The following PHACTR1 variants were observed in gnomAD, a reference collection of about 807,000 sequenced individuals.
PHACTR1 encodes the protein RPEL repeat containing 1.
Under a neutral mutation model 69.2 loss-of-function variants are expected in PHACTR1, and 16 were observed. The ratio of observed to expected loss-of-function variants is 0.23; its 90% CI spans 0.16 to 0.35. The LOEUF is 0.35. Among genes scored for constraint, PHACTR1 ranks in the 10% least tolerant of loss-of-function variants. The pLI is 1.00. For missense variants in PHACTR1, 510 were observed against 734.7 expected, an observed-to-expected ratio of 0.69 and a Z score of 3.54; for synonymous variants, 312 against 284.5, an observed-to-expected ratio of 1.10 and a Z score of -0.97.
intron 4 of PHACTR1, among the ~76,000 whole-genome samples, chr6:12,765,933 C>T (rs372674920): frequency 1.3e-5 from 2 of 152,128 alleles, no homozygotes; most frequent in South Asian, 2.1e-4. Flanking sequence ...ACTTCCCCTG[C>T]ACTTTAAAAA....
intron 4 of PHACTR1, chr6:12,933,783 C>T: frequency 3.1e-6 from 5 of 1,612,844 alleles, no homozygotes; most frequent in Non-Finnish European, 4.2e-6. Flanking sequence ...CACATCTGCT[C>T]AGGCCCCAGT....
chr6:13,109,977 A>G (rs1816782240), intron 5 of PHACTR1, among the ~76,000 whole-genome samples: 1 of 151,710 alleles, frequency 6.6e-6, no homozygotes, highest in Non-Finnish European at 1.5e-5. Flanking sequence ...ATTTAGATAC[A>G]GTATTTTTCA....
At chr6:12,838,647 G>A (rs1258023646) in intron 4 of PHACTR1, among the ~76,000 whole-genome samples, 2 of 152,210 alleles carry the variant, frequency 1.3e-5, no homozygotes, top group Admixed American at 6.5e-5. Context: ...TTTGTTGGAT[G>A]TGTTTGGAAA....
At chr6:12,750,149 C>G (rs956348858) in intron 4 of PHACTR1, among the ~76,000 whole-genome samples, 1 of 152,162 alleles carries the variant, frequency 6.6e-6, no homozygotes, top group African/African-American at 2.4e-5. Flanking sequence ...GGTTGGCTGG[C>G]GCGGCTACTA....
rs1406941108 is a variant in PHACTR1 at position 13,083,426 on chromosome 6, G to A, written c.415+29897G>A. On this transcript the variant is annotated intron_variant, in intron 5 of 14. Transcript: ENST00000332995. The stretch of plus-strand genomic sequence containing the variant: ...TGGCTTAGGATTGACTTGGCAATGC[G>A]GGCTCTTTTTTGGTTCCATATGAAC... Among the ~76,000 whole-genome samples, 262 of 151,936 alleles carry A rather than the reference G, an allele frequency of 1.7e-3. 14 individuals are homozygous for A. Among genetic ancestry groups the A allele is most frequent in the South Asian group, 8.3e-4 (4 of 4,816 alleles).
intron 5 of PHACTR1, among the ~76,000 whole-genome samples, chr6:13,089,889 CTTGGAT>C (rs1812943920): frequency 6.6e-6 from 1 of 152,184 alleles, no homozygotes; most frequent in Non-Finnish European, 1.5e-5. Context: ...ATCTGCATCA[CTTGGAT>C]TTGTCCTCCT....
At chr6:12,845,116 C>T (rs983345476) in intron 4 of PHACTR1, among the ~76,000 whole-genome samples, 3 of 152,184 alleles carry the variant, frequency 2.0e-5, no homozygotes, top group East Asian at 1.9e-4. Flanking sequence ...TGCATCTGAG[C>T]GTTGGATCGA....
intron 5 of PHACTR1, among the ~76,000 whole-genome samples, chr6:13,076,944 T>G (rs1347999656): frequency 3.1e-5 from 2 of 65,422 alleles, no homozygotes; most frequent in Non-Finnish European, 5.5e-5. Flanking sequence ...GGGACTGCGG[T>G]GGGGTGGGGG....
At chr6:12,741,169 C>T (rs1246207555) in intron 3 of PHACTR1, among the ~76,000 whole-genome samples, 3 of 151,986 alleles carry the variant, frequency 2.0e-5, no homozygotes, top group African/African-American at 4.8e-5. Flanking sequence ...GTTCATCTCA[C>T]ATACTTTAAT....
rs1003130483 is a variant in PHACTR1 at position 13,210,287 on chromosome 6, T to C, written c.986+4151T>C. On this transcript the variant is annotated intron_variant, in intron 8 of 14. Coordinates refer to ENST00000332995, the MANE Select transcript of PHACTR1 (RefSeq NM_030948.6). ...GCCTCAGCCTCCCAAATTTCTGGCA[T>C]TACAGGTGTAAGCCATGGCACACAC... Among the ~76,000 whole-genome samples, 3 of 152,204 alleles carry C rather than the reference T, an allele frequency of 2.0e-5. 1 individual carries two copies. The highest frequency in any genetic ancestry group is 6.5e-5 in the Admixed American group (1 of 15,288).
chr6:13,001,642 C>A (rs34054869), intron 4 of PHACTR1, among the ~76,000 whole-genome samples: 27,732 of 152,150 alleles, frequency 0.18, 2,761 homozygotes, highest in South Asian at 0.27. Context: ...TGATTCAGTG[C>A]CACCTCTCAA....
At chr6:12,743,202 A>C (rs113159197) in intron 3 of PHACTR1, among the ~76,000 whole-genome samples, 16 of 151,934 alleles carry the variant, frequency 1.1e-4, no homozygotes, top group South Asian at 4.1e-4. Flanking sequence ...AAAAAAAAAA[A>C]AAACAAACGT....
At chr6:13,187,824 C>T (rs1440173326) in intron 7 of PHACTR1, among the ~76,000 whole-genome samples, 1 of 152,214 alleles carries the variant, frequency 6.6e-6, no homozygotes, top group Non-Finnish European at 1.5e-5. Flanking sequence ...AGCTAACAAG[C>T]ATCTGACTGA....
intron 4 of PHACTR1, among the ~76,000 whole-genome samples, chr6:12,754,079 C>T (rs909912808): frequency 2.7e-4 from 40 of 149,948 alleles, no homozygotes; most frequent in Non-Finnish European, 5.0e-4. Flanking sequence ...TCTCCTGCCT[C>T]AGCCTCCCGA....
At chr6:13,124,975 C>T (rs1480466652) in intron 5 of PHACTR1, among the ~76,000 whole-genome samples, 1 of 152,186 alleles carries the variant, frequency 6.6e-6, no homozygotes, top group Non-Finnish European at 1.5e-5. Context: ...CTAAAGATGT[C>T]CTGGTAGGGT....
chr6:13,273,893 C>T (rs1301818450), intron 11 of PHACTR1: 1 of 146,348 alleles, frequency 6.8e-6, no homozygotes, highest in African/African-American at 2.5e-5. Context: ...TGACTCCTTG[C>T]CTCCCCCGGC....
At chr6:12,984,329 TTTG>T (rs1405261270) in intron 4 of PHACTR1, among the ~76,000 whole-genome samples, 1 of 152,160 alleles carries the variant, frequency 6.6e-6, no homozygotes, top group African/African-American at 2.4e-5. Flanking sequence ...TGTGGCCTTT[TTTG>T]TTGTTGTTGT....
chr6:13,059,122 G>T (rs1297352478), intron 5 of PHACTR1, among the ~76,000 whole-genome samples: 1 of 152,046 alleles, frequency 6.6e-6, no homozygotes, highest in African/African-American at 2.4e-5. Flanking sequence ...TTTGACATTT[G>T]GGGGCAATAT....
chr6:13,081,198 C>T (rs1213071184), intron 5 of PHACTR1, among the ~76,000 whole-genome samples: 1 of 152,126 alleles, frequency 6.6e-6, no homozygotes, highest in Non-Finnish European at 1.5e-5. Flanking sequence ...ATTTGAAGTT[C>T]TTGGCATAAC....
Sources: gnomAD v4.1 joint callset for allele counts (sites outside exome capture counted in the v4.1 genomes callset) on GRCh38, gnomAD v4.1.1 for gene constraint, MANE v1.5 for transcripts, NCBI Gene and HGNC (gene_info 2026-07-23, HGNC 2026-07-21) for gene names.